RMC1: variants seen among roughly 807,000 people sequenced by gnomAD.
The protein encoded by RMC1 is regulator of MON1-CCZ1 complex.
In RMC1, 44 loss-of-function variants were observed where a neutral mutation model predicts 95.5. The ratio of observed to expected loss-of-function variants is 0.46; its 90% CI spans 0.36 to 0.59. The LOEUF (loss-of-function observed/expected upper bound fraction) is 0.59. RMC1 is among the 20% of genes least tolerant of loss of function. The pLI is 0.00. For synonymous variants in RMC1, 320 were observed against 303.6 expected, an observed-to-expected ratio of 1.05 and a Z score of -0.56; for missense variants, 705 against 819.6, an observed-to-expected ratio of 0.86 and a Z score of 1.71.
intron 2 of RMC1, among the ~76,000 whole-genome samples, chr18:23,505,766 A>G (rs1344473485): frequency 6.6e-6 from 1 of 152,198 alleles, no homozygotes; most frequent in Non-Finnish European, 1.5e-5. Context: ...GGTCTCTCGT[A>G]AGACCCGGGG....
intron 2 of RMC1, among the ~76,000 whole-genome samples, chr18:23,505,404 T>G (rs2057689753): frequency 6.6e-6 from 1 of 152,132 alleles, no homozygotes; most frequent in Admixed American, 6.5e-5. Flanking sequence ...AGCATGGTGT[T>G]TTGGGGAACT....
chr18:23,520,460 T>G, intron 10 of RMC1, 147 bp downstream of exon 10: 2 of 692,756 alleles, frequency 2.9e-6, no homozygotes, highest in Non-Finnish European at 4.8e-6. Flanking sequence ...GGCCATTTGT[T>G]CCAGTTTTGT....
chr18:23,524,003 T>C (rs2058220924), intron 10 of RMC1, 127 bp from the exon 11 acceptor site: 2 of 1,067,680 alleles, frequency 1.9e-6, no homozygotes, highest in Non-Finnish European at 2.8e-6. Context: ...AGTTCATTTC[T>C]TCCTTGACTA....
chr18:23,505,358 G>T (rs954935202), intron 2 of RMC1, among the ~76,000 whole-genome samples: 1 of 152,064 alleles, frequency 6.6e-6, no homozygotes, highest in Non-Finnish European at 1.5e-5. Flanking sequence ...CGCTGCACCC[G>T]GCCTGAGCAA....
intron 12 of RMC1, among the ~76,000 whole-genome samples, chr18:23,526,419 G>A (rs927627170): frequency 6.6e-6 from 1 of 152,170 alleles, no homozygotes; most frequent in African/African-American, 2.4e-5. Context: ...CCAGGTGTGC[G>A]GTGGTTGGGC....
intron 2 of RMC1, 105 bp from the exon 3 acceptor site, chr18:23,506,865 G>T: frequency 2.6e-6 from 2 of 776,998 alleles, no homozygotes; most frequent in Non-Finnish European, 4.3e-6. Flanking sequence ...TTTTAGACTA[G>T]AATTTGCTGC....
At chr18:23,509,406 GTTGCC>G in intron 5 of RMC1, 127 bp downstream of exon 5, 1 of 338,148 alleles carries the variant, frequency 3.0e-6, no homozygotes, top group Non-Finnish European at 5.2e-6. Context: ...GTCTTGCTCT[GTTGCC>G]CAGGCTGCAG....
chr18:23,526,141 G>A (rs150805241), intron 12 of RMC1, among the ~76,000 whole-genome samples: 1 of 152,360 alleles, frequency 6.6e-6, no homozygotes, highest in African/African-American at 2.4e-5. Flanking sequence ...GATGCTGGCA[G>A]TGTGGGTGAT....
At position 23,516,407 on chromosome 18, in the gene RMC1, A is replaced by T. The variant is rs777708274; in HGVS notation, c.637A>T (p.Ile213Phe). The change falls in exon 7 of 20, where the codon ATC becomes TTC. Residue 213 changes from isoleucine to phenylalanine, a missense_variant. Transcript: ENST00000269221. ...STKPSLSERD[I>F]AMATIYGQLY... ...TAAACCCAGCCTTTCCGAAAGAGAC[A>T]TCGCAATGGCTACCATGTATGTCCG... 6.2e-7 allele frequency: 1 copy of T among 1,614,170 alleles called. No homozygotes were observed. The highest frequency in any genetic ancestry group is 1.7e-5 in the Admixed American group (1 of 60,030).
At chr18:23,525,303 A>G (rs1436764772) in intron 12 of RMC1, among the ~76,000 whole-genome samples, 1 of 152,072 alleles carries the variant, frequency 6.6e-6, no homozygotes, top group African/African-American at 2.4e-5. Flanking sequence ...CCTGGAGTGC[A>G]GTAGTGCTAT....
chr18:23,510,333 A>C (rs2057819820), intron 5 of RMC1, among the ~76,000 whole-genome samples: 2 of 151,798 alleles, frequency 1.3e-5, no homozygotes, highest in African/African-American at 2.4e-5. Context: ...AAAAAAAAAA[A>C]CAAAAACACA....
chr18:23,514,917 A>C (rs151105475), intron 5 of RMC1, among the ~76,000 whole-genome samples: 50 of 152,308 alleles, frequency 3.3e-4, no homozygotes, highest in African/African-American at 1.2e-3. Flanking sequence ...GGGGCTCTGT[A>C]CAGTGTTCTG....
Position 23,509,240 on chromosome 18 carries a change from A to G in RMC1, c.369A>G (p.Glu123=). 10 of 1,468,542 alleles carry G rather than the reference A, an allele frequency of 6.8e-6. No individual in the cohort carries two copies. The highest frequency in any genetic ancestry group is 9.0e-6 in the Non-Finnish European group (10 of 1,108,134). The allele number at this position is 1,468,542 out of a possible 1,614,324, so 91.0% of individuals were successfully genotyped here. A position where few individuals can be genotyped will look rare whatever the true frequency, so the allele number is the denominator to read the frequency against. Residue 123 remains glutamate, a synonymous_variant, in exon 5 of 20, where the codon GAA becomes GAG. Transcript: ENST00000269221. Reference sequence around the variant, plus strand: ...GATTCTGCTGGACTAGTTCAACTGAAATTGTCTTCATAACAGATCAAGGAA... The same window carrying G: ...GATTCTGCTGGACTAGTTCAACTGAGATTGTCTTCATAACAGATCAAGGAA... ...ILGFCWTSST[E]IVFITDQGIE...
chr18:23,526,348 G>C (rs1484572563), intron 12 of RMC1, among the ~76,000 whole-genome samples: 1 of 152,212 alleles, frequency 6.6e-6, no homozygotes, highest in Non-Finnish European at 1.5e-5. Flanking sequence ...TTGGAATGAA[G>C]GACTAGGAGC....
intron 5 of RMC1, 92 bp from the exon 6 acceptor site, chr18:23,515,764 C>A: frequency 1.3e-6 from 2 of 1,488,548 alleles, no homozygotes; most frequent in South Asian, 1.2e-5. Flanking sequence ...AACTCCTGAC[C>A]TCAGGTGATC....
At chr18:23,511,892 T>C (rs2057867812) in intron 5 of RMC1, among the ~76,000 whole-genome samples, 1 of 152,158 alleles carries the variant, frequency 6.6e-6, no homozygotes, top group African/African-American at 2.4e-5. Context: ...TGAACCAGTA[T>C]CGCCAAATTT....
intron 19 of RMC1, 57 bp downstream of exon 19, chr18:23,530,669 C>A: frequency 6.5e-7 from 1 of 1,529,694 alleles, no homozygotes; most frequent in South Asian, 1.2e-5. Flanking sequence ...TAGCAGAGGG[C>A]ACTGGCAGCT....
chr18:23,526,012 G>C (rs957999823), intron 12 of RMC1, among the ~76,000 whole-genome samples: 2 of 152,176 alleles, frequency 1.3e-5, no homozygotes, highest in African/African-American at 4.8e-5. Context: ...TCTCGCTGGT[G>C]TTTTCCTGTA....
At position 23,519,327 on chromosome 18, in the gene RMC1, G is replaced by A. The variant is rs558821240; in HGVS notation, c.849+153G>A. ...GAGCCCAGGAGTTCGAGACCAGCCTGAGCAGCATGGCAAAACCCCACCTAT... is the reference window on the plus strand; with the variant it reads ...GAGCCCAGGAGTTCGAGACCAGCCTAAGCAGCATGGCAAAACCCCACCTAT... On this transcript the variant is annotated intron_variant, in intron 9 of 19. Transcript: ENST00000269221. 7.2e-5 allele frequency among the ~76,000 whole-genome samples: 11 copies of A among 152,288 alleles called. No homozygotes were observed. In the East Asian group the frequency reaches 2.1e-3, roughly 29 times the overall value.
Sources: allele counts gnomAD v4.1 joint callset (sites outside exome capture counted in the v4.1 genomes callset), GRCh38; gene constraint gnomAD v4.1.1; transcripts MANE v1.5; gene names NCBI Gene and HGNC (gene_info 2026-07-23, HGNC 2026-07-21).